Variants in KIF26A observed in about 807,000 individuals in gnomAD.
The protein encoded by KIF26A is kinesin-like protein KIF26A.
A neutral mutation model predicts 126.0 loss-of-function variants in KIF26A; 74 were observed. That is an observed-to-expected ratio of 0.59 (90% CI 0.49 to 0.71). The LOEUF is 0.71. Among genes scored for constraint, KIF26A ranks in the 30% least tolerant of loss-of-function variants. KIF26A has a pLI of 0.00. For synonymous variants in KIF26A, 1,445 were observed against 1,232.7 expected (o/e 1.17, Z -3.61); for missense variants, 2,984 against 2,763.3 (o/e 1.08, Z -1.79).
chr14:104,166,996 G>T lies in KIF26A; in HGVS notation c.1061G>T (p.Cys354Phe). The T allele has an allele frequency of 3.8e-6, 6 of 1,583,022 alleles. No homozygotes were observed. Among genetic ancestry groups the T allele is most frequent in the South Asian group, 1.2e-5 (1 of 86,806 alleles). Residue 354 changes from cysteine (C) to phenylalanine (F), a missense_variant, in exon 5 of 15, where the codon TGC becomes TTC. By Grantham distance (205) the Cys-to-Phe change is radical. Coordinates refer to ENST00000423312, the MANE Select transcript of KIF26A (RefSeq NM_015656.2). ...CTGTGGCCGCCCCCGGCGCCCCCCT[G>T]CCTGCTCAGGGCCGCCTCCAAGACC... ...LQLWPPPAPP[C>F]LLRAASKTKD...
At position 104,173,253 on chromosome 14, in the gene KIF26A, C is replaced by T. The variant is rs2037978950; in HGVS notation, c.1683+14C>T. The T allele has an allele frequency of 6.2e-7, 1 of 1,603,316 alleles. No homozygotes were observed. The highest frequency in any genetic ancestry group is 8.5e-7 in the Non-Finnish European group (1 of 1,173,048). On this transcript the variant is annotated intron_variant, in intron 8 of 14. Coordinates refer to ENST00000423312, the MANE Select transcript of KIF26A (RefSeq NM_015656.2). ...TGTGGGGCGCAGGTGCGCCTGCCTA[C>T]TGTCCCACCTTGGGGGAGGGGGGCT...
At chr14:104,145,343 G>T (rs563814355) in intron 2 of KIF26A, among the ~76,000 whole-genome samples, 33 of 152,276 alleles carry the variant, frequency 2.2e-4, no homozygotes, top group Non-Finnish European at 7.4e-5. Context: ...GAGGCCCTCC[G>T]CAGGGCTGCA....
rs764045365 is a variant in KIF26A at position 104,151,755 on chromosome 14, C to T, written c.289-260C>T. 3.3e-5 allele frequency among the ~76,000 whole-genome samples: 5 copies of T among 152,256 alleles called. No homozygotes were observed. The highest frequency in any genetic ancestry group is 2.1e-4 in the South Asian group (1 of 4,834). On this transcript the variant is annotated intron_variant, in intron 2 of 14. Transcript: ENST00000423312. This position sits in a 1 kb window ranked among gnomAD's most constrained non-coding sequence, Gnocchi z 4.9. Reference sequence around the variant, plus strand: ...GGAGCCGCAAACCTGCCTTGTTAGCCGCAGGCCGGGGCGCTTAATGACGGC... The same window carrying T: ...GGAGCCGCAAACCTGCCTTGTTAGCTGCAGGCCGGGGCGCTTAATGACGGC...
At position 104,148,842 on chromosome 14, in the gene KIF26A, T is replaced by C. The variant is rs1371584256; in HGVS notation, c.289-3173T>C. On this transcript the variant is annotated intron_variant, in intron 2 of 14. Transcript: ENST00000423312. This position sits in a 1 kb window ranked among gnomAD's most constrained non-coding sequence, Gnocchi z 4.3. ...CCACCCATGTCAGCAGCGGCCTCCC[T>C]GAGCCCCTCCCTGGAGCCCTGAGTG... 6.6e-6 allele frequency among the ~76,000 whole-genome samples: 1 copy of C among 152,178 alleles called. No homozygotes were observed. Among genetic ancestry groups the C allele is most frequent in the Admixed American group, 6.5e-5 (1 of 15,286 alleles).
chr14:104,164,912 T>C, intron 4 of KIF26A, among the ~76,000 whole-genome samples: 1 of 152,036 alleles, frequency 6.6e-6, no homozygotes, highest in African/African-American at 2.4e-5. Flanking sequence ...TTTATGTGTC[T>C]GTCTCTGTGT....
chr14:104,174,404 C>A, intron 11 of KIF26A, 94 bp downstream of exon 11: 1 of 1,289,968 alleles, frequency 7.8e-7, no homozygotes. Flanking sequence ...TGGGGGTCAG[C>A]AGGTGGCCTG....
intron 4 of KIF26A, among the ~76,000 whole-genome samples, chr14:104,158,402 G>A (rs186870070): frequency 6.9e-4 from 105 of 152,330 alleles, no homozygotes; most frequent in Non-Finnish European, 1.4e-3. Context: ...GGGGCTGCCC[G>A]GGGGAGGCGC....
At chr14:104,174,341 G>T (rs774019128) in intron 11 of KIF26A, 31 bp downstream of exon 11, 1 of 1,493,208 alleles carries the variant, frequency 6.7e-7, no homozygotes, top group Admixed American at 2.1e-5. Context: ...GCCCCATCTC[G>T]GGGCCGTCTC....
chr14:104,139,091 TC>T lies in KIF26A; in HGVS notation c.97del (p.Arg33GlufsTer175). On this transcript the variant is annotated frameshift_variant, in exon 2 of 15. Transcript: ENST00000423312. LOFTEE classifies it high-confidence loss of function. Reference protein sequence around the residue: ...AREPPPLLEVSPRKRLPAGPD... With the variant: ...AREPPPLLEVXPRKRLPAGPD... ...CGAGCCGCCGCCGCTGCTGGAGGTGTCCCCCCGAAAGAGGCTACCCGCCGGG... is the reference window on the plus strand; with the variant it reads ...CGAGCCGCCGCCGCTGCTGGAGGTGTCCCCCGAAAGAGGCTACCCGCCGGG... The T allele has an allele frequency of 6.2e-6, 9 of 1,449,588 alleles. No homozygotes were observed. The Admixed American group carries it at 1.2e-4, about 19-fold the overall frequency. The allele number at this position is 1,449,588 out of a possible 1,614,324, so 89.8% of individuals were successfully genotyped here.
chr14:104,176,701 C>T lies in KIF26A; in HGVS notation c.3913C>T (p.Pro1305Ser), dbSNP rs1476115504. 6.3e-7 allele frequency: 1 copy of T among 1,589,188 alleles called. No individual in the cohort carries two copies. The highest frequency in any genetic ancestry group is 1.3e-5 in the African/African-American group (1 of 74,640). The change falls in exon 12 of 15, where the codon CCG becomes TCG. Residue 1305 changes from proline (P) to serine (S), a missense_variant. By Grantham distance (74) the Pro-to-Ser change is moderately conservative (BLOSUM62 -1). Transcript: ENST00000423312. Reference sequence around the variant, plus strand: ...GCCAGAGGCTGTGGCTCGGATCCCACCGCTGCGGAGGGGTGCCACCACGCT... The same window carrying T: ...GCCAGAGGCTGTGGCTCGGATCCCATCGCTGCGGAGGGGTGCCACCACGCT... Reference protein sequence around the residue: ...RRPEAVARIPPLRRGATTLGV... With the variant: ...RRPEAVARIPSLRRGATTLGV...
chr14:104,179,551 G>T, intron 14 of KIF26A, 58 bp from the exon 15 acceptor site: 1 of 1,451,328 alleles, frequency 6.9e-7, no homozygotes. Flanking sequence ...GGGGCCAGGT[G>T]GCTGCCCCCA....
At position 104,176,858 on chromosome 14, in the gene KIF26A, G is replaced by T; in HGVS notation, c.4070G>T (p.Ser1357Ile). 1 of 1,544,448 alleles carries T rather than the reference G, an allele frequency of 6.5e-7. No homozygotes were observed. The highest frequency in any genetic ancestry group is 8.7e-7 in the Non-Finnish European group (1 of 1,145,548). Residue 1357 changes from serine to isoleucine, a missense_variant, in exon 12 of 15, where the codon AGT becomes ATT. By Grantham distance (142) the Ser-to-Ile change is moderately radical (BLOSUM62 -2). Transcript: ENST00000423312. ...APKAGFLPRP[S>I]GAAPPAPPTR... is the part of the protein sequence containing the mutation. Reference sequence around the variant, plus strand: ...AAGGCGGGCTTCCTCCCGAGGCCCAGTGGGGCGGCCCCCCCGGCCCCACCC... The same window carrying T: ...AAGGCGGGCTTCCTCCCGAGGCCCATTGGGGCGGCCCCCCCGGCCCCACCC...
intron 3 of KIF26A, among the ~76,000 whole-genome samples, chr14:104,157,536 G>T (rs527724936): frequency 6.6e-6 from 1 of 152,170 alleles, no homozygotes. Context: ...AGCTGGGAAC[G>T]TGACCTCACG....
At position 104,157,946 on chromosome 14, in the gene KIF26A, T is replaced by C. The variant is rs770954924; in HGVS notation, c.923+4T>C. ...CTGCAGCCTCCTTCTTCATAAGGTATGTCCTGGGGCTTCCTGGGCAGCCTT... is the reference window on the plus strand; with the variant it reads ...CTGCAGCCTCCTTCTTCATAAGGTACGTCCTGGGGCTTCCTGGGCAGCCTT... On this transcript the variant is annotated splice_donor_region_variant and intron_variant, in intron 4 of 14. Transcript: ENST00000423312. 2.4e-5 allele frequency: 35 copies of C among 1,488,744 alleles called. No homozygotes were observed. The highest frequency in any genetic ancestry group is 1.4e-5 in the Non-Finnish European group (16 of 1,119,292). 92.2% of individuals were successfully genotyped at this position (1,488,744 alleles called of 1,614,324 possible).
At chr14:104,155,644 T>G (rs2037770037) in intron 3 of KIF26A, among the ~76,000 whole-genome samples, 1 of 152,174 alleles carries the variant, frequency 6.6e-6, no homozygotes, top group Non-Finnish European at 1.5e-5. Context: ...GGGCTCTGCT[T>G]CCGGCAGGAA....
Position 104,167,043 on chromosome 14 carries a change from G to T in KIF26A, c.1108G>T (p.Gly370Trp). 6.4e-7 allele frequency: 1 copy of T among 1,554,416 alleles called. No individual in the cohort carries two copies. Among genetic ancestry groups the T allele is most frequent in the South Asian group, 1.2e-5 (1 of 84,298 alleles). Residue 370 changes from glycine (G) to tryptophan (W), a missense_variant, in exon 5 of 15, where the codon GGG becomes TGG. Transcript: ENST00000423312. ...GACCAAGGACAACCCTGGCAGCATCGGGAAGGTAGACGCAGCCCCGAGTTC... is the reference window on the plus strand; with the variant it reads ...GACCAAGGACAACCCTGGCAGCATCTGGAAGGTAGACGCAGCCCCGAGTTC... ...SKTKDNPGSI[G>W]KVKVMLRIWP...
chr14:104,156,591 A>ACCGGCCATGGGTTGGGCAGGGTGAG (rs202006865), intron 3 of KIF26A, among the ~76,000 whole-genome samples: 27 of 151,904 alleles, frequency 1.8e-4, no homozygotes, highest in African/African-American at 4.6e-4. Context: ...GGAAGCTGGT[A>ACCGGCCATGGGTTGGGCAGGGTGAG]CCGGCCATGG....
At position 104,139,044 on chromosome 14, in the gene KIF26A, T is replaced by G; in HGVS notation, c.44T>G (p.Val15Gly). 7.3e-7 allele frequency: 1 copy of G among 1,362,746 alleles called. No individual in the cohort carries two copies. The highest frequency in any genetic ancestry group is 9.4e-7 in the Non-Finnish European group (1 of 1,066,472). The allele number at this position is 1,362,746 out of a possible 1,614,324, so 84.4% of individuals were successfully genotyped here. The part of the protein sequence containing the change: ...GVPLCAAQPA[V>G]AEGGPAREPP... The stretch of plus-strand genomic sequence containing the variant: ...CGCTTCCGCCCCCACACCCTGCAGG[T>G]GGCCGAGGGCGGCCCGGCCCGCGAG... Residue 15 changes from valine to glycine, a missense_variant and splice_region_variant, in exon 2 of 15, where the codon GTG becomes GGG. Coordinates refer to ENST00000423312, the MANE Select transcript of KIF26A (RefSeq NM_015656.2).
In KIF26A at chr14:104,176,165, A is replaced by T; in HGVS notation, c.3377A>T (p.Asp1126Val). 1 of 1,589,456 alleles carries T rather than the reference A, an allele frequency of 6.3e-7. No homozygotes were observed. The highest frequency in any genetic ancestry group is 8.6e-7 in the Non-Finnish European group (1 of 1,169,502). The change falls in exon 12 of 15, where the codon GAC becomes GTC. Residue 1126 changes from aspartate (D) to valine (V), a missense_variant. Transcript: ENST00000423312. ...EVSVCTADSR[D>V]PTPQPRFSPD... ...AGCGTCTGCACTGCCGACAGCCGTG[A>T]CCCCACGCCGCAGCCCCGCTTCAGC...
Sources: gnomAD v4.1 joint callset for allele counts (sites outside exome capture counted in the v4.1 genomes callset) on GRCh38, gnomAD v4.1.1 for gene constraint, Gnocchi (gnomAD v3.1) non-coding constraint, MANE v1.5 for transcripts, NCBI Gene and HGNC (gene_info 2026-07-23, HGNC 2026-07-21) for gene names.